DUOX2: variants seen among roughly 807,000 people sequenced by gnomAD.
DUOX2 encodes the protein dual oxidase 2.
In DUOX2, 185 loss-of-function variants were observed where a neutral mutation model predicts 183.3. That is an observed-to-expected ratio of 1.01 (90% CI 0.90 to 1.14). The LOEUF is 1.14. DUOX2 is among the 50% of genes most tolerant of loss of function. The pLI is 0.00. For synonymous variants in DUOX2, 788 were observed against 812.4 expected (o/e 0.97, Z 0.51); for missense variants, 1,999 against 2,022.9 (o/e 0.99, Z 0.23).
In DUOX2 at chr15:45,099,868, G is replaced by T; in HGVS notation, c.3209C>A (p.Ser1070Ter). 6.2e-7 allele frequency: 1 copy of T among 1,614,122 alleles called. No individual in the cohort carries two copies. Among genetic ancestry groups the T allele is most frequent in the Middle Eastern group, 1.6e-4 (1 of 6,062 alleles). The change falls in exon 25 of 34, where the codon TCG (serine) becomes TAG (stop). Residue 1070 changes from serine (S) to a stop codon, truncating the protein, a stop_gained. Coordinates refer to ENST00000389039, the MANE Select transcript of DUOX2 (RefSeq NM_001363711.2). LOFTEE classifies it high-confidence loss of function. Reference sequence around the variant, plus strand: ...CACGAGGGTGGTCTGTGCAATGTCCGAGGGTGGCGAGGCAAAGCCATAGTC... The same window carrying T: ...CACGAGGGTGGTCTGTGCAATGTCCTAGGGTGGCGAGGCAAAGCCATAGTC... The part of the protein sequence containing the change: ...AYYYGFASPP[S>*]DIAQTTLVGI...
At chr15:45,105,893 C>T in intron 17 of DUOX2, 65 bp from the exon 18 acceptor site, 9 of 1,599,880 alleles carry the variant, frequency 5.6e-6, no homozygotes, top group Non-Finnish European at 7.7e-6. Context: ...AGCCTCCCCT[C>T]AATGGATCTT....
chr15:45,094,697 G>A lies in DUOX2; in HGVS notation c.4396-6C>T, dbSNP rs1016673681. 4 of 1,613,806 alleles carry A rather than the reference G, an allele frequency of 2.5e-6. No individual in the cohort carries two copies. Among genetic ancestry groups the A allele is most frequent in the Non-Finnish European group, 3.4e-6 (4 of 1,179,936 alleles). On this transcript the variant is annotated splice_polypyrimidine_tract_variant and splice_region_variant and intron_variant, in intron 32 of 33. Transcript: ENST00000389039. ...AAGTGCCGCTCGCAGATGTACTGGG[G>A]GCACAGGGGCAGGTCAGACCAAAGA...
intron 27 of DUOX2, 110 bp from the exon 28 acceptor site, chr15:45,097,851 G>C: frequency 6.3e-7 from 1 of 1,595,306 alleles, no homozygotes; most frequent in African/African-American, 1.3e-5. Flanking sequence ...ATCCCTCCGG[G>C]GCCCCCAGAA....
rs966315712 is a variant in DUOX2 at position 45,096,002 on chromosome 15, C to G, written c.3906G>C (p.Trp1302Cys). 3 of 1,613,986 alleles carry G rather than the reference C, an allele frequency of 1.9e-6. No individual in the cohort carries two copies. Among genetic ancestry groups the G allele is most frequent in the South Asian group, 1.1e-5 (1 of 91,070 alleles). ...PQGFEYKSGQ[W>C]VRIACLALGT... ...CCAGAGCCAGGCAGGCGATCCGCAC[C>G]CACTGTCCTGACTTGTACTCAAAGC... Residue 1302 changes from tryptophan (W) to cysteine (C), a missense_variant, in exon 30 of 34, where the codon TGG (tryptophan) becomes TGC (cysteine). By Grantham distance (215) the Trp-to-Cys change is radical. Coordinates refer to ENST00000389039, the MANE Select transcript of DUOX2 (RefSeq NM_001363711.2).
intron 9 of DUOX2, 127 bp from the exon 10 acceptor site, chr15:45,110,107 C>T (rs924334671): frequency 3.5e-5 from 31 of 880,780 alleles, no homozygotes; most frequent in Middle Eastern, 2.1e-4. Flanking sequence ...TCCTTGAACA[C>T]GGCAGAGATT....
intron 27 of DUOX2, 105 bp downstream of exon 27, chr15:45,097,904 C>T: frequency 6.5e-7 from 1 of 1,546,906 alleles, no homozygotes; most frequent in Non-Finnish European, 8.9e-7. Flanking sequence ...GTCCTGAAGG[C>T]TAGAAACAGA....
At chr15:45,107,266 C>G in intron 14 of DUOX2, 79 bp downstream of exon 14, 1 of 1,563,702 alleles carries the variant, frequency 6.4e-7, no homozygotes, top group South Asian at 1.1e-5. Context: ...CTGGACAGCA[C>G]CAAGTGATTC....
Position 45,107,006 on chromosome 15 carries a change from G to A in DUOX2, c.1694-37C>T. On this transcript the variant is annotated intron_variant, in intron 14 of 33. Transcript: ENST00000389039. ...GGCAGGGAAGACCTCAAAGTCTGAG[G>A]ATCCCGCTATGTGGCCAGACCTCTT... 1.9e-6 allele frequency: 3 copies of A among 1,560,780 alleles called. No homozygotes were observed. The East Asian group carries it at 7.1e-5, about 37-fold the overall frequency.
At position 45,094,585 on chromosome 15, in the gene DUOX2, G is replaced by T. The variant is rs752847404; in HGVS notation, c.4502C>A (p.Ser1501Tyr). ...GACCTGTGGGTGGACCTCCTGCAGG[G>T]AGTTGAAGAAGGGCTCGAAGGGGGG... ...GRPPFEPFFNSLQEVHPQVRK... is the reference protein window; with the variant it reads ...GRPPFEPFFNYLQEVHPQVRK... Residue 1501 changes from serine (S) to tyrosine (Y), a missense_variant, in exon 33 of 34, where the codon TCC becomes TAC. Ser to Tyr is a moderately radical substitution (Grantham distance 144, BLOSUM62 -2). Coordinates refer to ENST00000389039, the MANE Select transcript of DUOX2 (RefSeq NM_001363711.2). The T allele has an allele frequency of 6.2e-7, 1 of 1,613,962 alleles. No homozygotes were observed. Among genetic ancestry groups the T allele is most frequent in the Non-Finnish European group, 8.5e-7 (1 of 1,179,958 alleles).
In DUOX2 at chr15:45,100,800, G is replaced by C. The variant is rs778481365; in HGVS notation, c.2960C>G (p.Ala987Gly). The C allele has an allele frequency of 3.1e-6, 5 of 1,613,920 alleles. No individual in the cohort carries two copies. In the African/African-American group the frequency reaches 5.3e-5, roughly 17 times the overall value. The change falls in exon 23 of 34, where the codon GCC becomes GGC. Residue 987 changes from alanine to glycine, a missense_variant. By Grantham distance (60) the Ala-to-Gly change is moderately conservative. Transcript: ENST00000389039. ...CAGTCCAGGGCCTCCCAGCTCTGGG[G>C]CTTCTGGGGCAGGGGGCCCCAGTCC... ...PQGLGPPAPE[A>G]PELGGPGLKK...
chr15:45,103,954 C>A lies in DUOX2; in HGVS notation c.2654+6G>T. The A allele has an allele frequency of 6.2e-7, 1 of 1,614,074 alleles. No homozygotes were observed. The highest frequency in any genetic ancestry group is 2.2e-5 in the East Asian group (1 of 44,878). ...AGTCTCAGGATTAGAAAGGCACACC[C>A]CATACCGCATCATGGTGAAGAATTC... On this transcript the variant is annotated splice_donor_region_variant and intron_variant, in intron 20 of 33. Coordinates refer to ENST00000389039, the MANE Select transcript of DUOX2 (RefSeq NM_001363711.2).
chr15:45,112,079 G>T, intron 4 of DUOX2, 124 bp from the exon 5 acceptor site: 1 of 1,202,332 alleles, frequency 8.3e-7, no homozygotes, highest in African/African-American at 1.5e-5. Context: ...TCCGCCACCA[G>T]CTCTGCACGT....
chr15:45,100,883 AG>A, intron 22 of DUOX2, 45 bp from the exon 23 acceptor site: 1 of 1,416,730 alleles, frequency 7.1e-7, no homozygotes, highest in Non-Finnish European at 1.0e-6. Flanking sequence ...CTTTGCAGCC[AG>A]GAGAACAACT....
chr15:45,111,612 G>A, intron 5 of DUOX2, 27 bp from the exon 6 acceptor site: 2 of 1,508,368 alleles, frequency 1.3e-6, no homozygotes, highest in Non-Finnish European at 8.8e-7. Context: ...GGGTGAGCCC[G>A]GGTCGAGAGG....
Position 45,112,563 on chromosome 15 carries a change from C to T in DUOX2, c.316G>A (p.Val106Ile), listed in dbSNP as rs143091240. The T allele has an allele frequency of 5.6e-6, 9 of 1,612,888 alleles. No homozygotes were observed. The highest frequency in any genetic ancestry group is 2.5e-6 in the Non-Finnish European group (3 of 1,179,708). The change falls in exon 4 of 34, where the codon GTC becomes ATC. Residue 106 changes from valine to isoleucine, a missense_variant. Transcript: ENST00000389039. ...CCCCCTTTGCCCTCACCAAAGAAGACCCCCAGTACGGTGCGGTTGTGGAGC... is the reference window on the plus strand; with the variant it reads ...CCCCCTTTGCCCTCACCAAAGAAGATCCCCAGTACGGTGCGGTTGTGGAGC... Reference protein sequence around the residue: ...PSLHNRTVLGVFFGYHVLSDV... With the variant: ...PSLHNRTVLGIFFGYHVLSDV...
intron 13 of DUOX2, 48 bp downstream of exon 13, chr15:45,107,999 G>A: frequency 6.2e-7 from 1 of 1,610,116 alleles, no homozygotes; most frequent in Non-Finnish European, 8.5e-7. Context: ...GAGGGTCTGG[G>A]GCTCAGGCTG....
Position 45,104,327 on chromosome 15 carries a change from G to C in DUOX2, c.2373C>G (p.Pro791=). The change falls in exon 19 of 34, where the codon CCC becomes CCG. Residue 791 remains proline (P), a synonymous_variant. Transcript: ENST00000389039. ...CCCGCACCTTCTGGGAGGAGTCCAG[G>C]GGCAGGGTCCCTGCGTCGGCCTGGT... ...DINQADAGTL[P]LDSSQKVREA... The C allele has an allele frequency of 1.2e-6, 2 of 1,614,022 alleles. No individual in the cohort carries two copies. Among genetic ancestry groups the C allele is most frequent in the Non-Finnish European group, 8.5e-7 (1 of 1,180,002 alleles).
chr15:45,113,130 G>T (rs960923920), intron 2 of DUOX2, 54 bp from the exon 3 acceptor site: 2 of 1,569,838 alleles, frequency 1.3e-6, no homozygotes, highest in South Asian at 1.1e-5. Flanking sequence ...TACCCCTCCC[G>T]AGCAACGAAG....
chr15:45,102,150 G>A (rs927867686), intron 20 of DUOX2, among the ~76,000 whole-genome samples, 161 bp from the exon 21 acceptor site: 1 of 152,220 alleles, frequency 6.6e-6, no homozygotes, highest in Non-Finnish European at 1.5e-5. Context: ...ACTAAGCTGG[G>A]TGGGGTAGCC....
Sources: gnomAD v4.1 joint callset for allele counts (sites outside exome capture counted in the v4.1 genomes callset) on GRCh38, gnomAD v4.1.1 for gene constraint, MANE v1.5 for transcripts, NCBI Gene and HGNC (gene_info 2026-07-23, HGNC 2026-07-21) for gene names.